The following LHFPL2 variants were observed in gnomAD, a reference collection of about 807,000 sequenced individuals.
LHFPL2 encodes LHFPL tetraspan subfamily member 2, also known as LHFPL tetraspan subfamily member 2 protein.
Under a neutral mutation model 17.5 loss-of-function variants are expected in LHFPL2, and 7 were observed. The ratio of observed to expected loss-of-function variants is 0.40; its 90% CI spans 0.23 to 0.75. LHFPL2 has a LOEUF of 0.75. Ranked by LOEUF, LHFPL2 falls within the 30% of genes least tolerant of loss-of-function variation. LHFPL2 has a pLI of 0.37. For missense variants in LHFPL2, 241 were observed against 294.8 expected (o/e 0.82, Z 1.34); for synonymous variants, 134 against 116.2 (o/e 1.15, Z -0.99).
intron 4 of LHFPL2, among the ~76,000 whole-genome samples, chr5:78,497,363 C>T (rs1437889831): frequency 6.6e-6 from 1 of 152,208 alleles, no homozygotes; most frequent in Non-Finnish European, 1.5e-5. Context: ...TTCCAGCATA[C>T]CCCGGCCTCT....
At chr5:78,638,170 T>C (rs1290235262) in intron 1 of LHFPL2, among the ~76,000 whole-genome samples, 2 of 152,018 alleles carry the variant, frequency 1.3e-5, no homozygotes, top group Non-Finnish European at 2.9e-5. Flanking sequence ...CTGGCTAACA[T>C]GGTGAAACCC....
chr5:78,559,130 C>T (rs1483967969), intron 3 of LHFPL2, among the ~76,000 whole-genome samples: 1 of 152,184 alleles, frequency 6.6e-6, no homozygotes, highest in East Asian at 1.9e-4. Flanking sequence ...GCTTTCCTGG[C>T]CTCTGGTCAG....
At chr5:78,555,876 A>G (rs974156928) in intron 3 of LHFPL2, among the ~76,000 whole-genome samples, 1 of 152,226 alleles carries the variant, frequency 6.6e-6, no homozygotes, top group African/African-American at 2.4e-5. Context: ...CTGAGAAGAA[A>G]CATCAGGAGA....
At chr5:78,505,138 CTGCT>C (rs1754893847) in intron 4 of LHFPL2, among the ~76,000 whole-genome samples, 1 of 152,216 alleles carries the variant, frequency 6.6e-6, no homozygotes, top group East Asian at 1.9e-4. Context: ...CAAAAACAAA[CTGCT>C]TGATGTTGTC....
At chr5:78,507,626 C>T (rs550617144) in intron 4 of LHFPL2, among the ~76,000 whole-genome samples, 88 of 152,266 alleles carry the variant, frequency 5.8e-4, no homozygotes, top group African/African-American at 2.0e-3. Flanking sequence ...CAGTAAATGG[C>T]CACTGGTTTG....
In LHFPL2 at chr5:78,486,950, G is replaced by C. The variant is rs1268226549; in HGVS notation, c.*1947C>G. 2.0e-5 allele frequency: 3 copies of C among 152,164 alleles called. No homozygotes were observed. Among genetic ancestry groups the C allele is most frequent in the Admixed American group, 1.3e-4 (2 of 15,270 alleles). 9.4% of individuals were successfully genotyped at this position (152,164 alleles called of 1,614,324 possible). A position where few individuals can be genotyped will look rare whatever the true frequency, so the allele number is the denominator to read the frequency against. ...TGTTTTTCATCAAGGTTTGAGACTT[G>C]GTTAGAACATTATAAATGTACACAC... is the stretch of plus-strand genomic sequence containing the variant. On this transcript the variant is annotated 3_prime_UTR_variant, in exon 5 of 5. Coordinates refer to ENST00000380345, the MANE Select transcript of LHFPL2 (RefSeq NM_005779.3).
At chr5:78,525,866 A>G (rs974465789) in intron 3 of LHFPL2, among the ~76,000 whole-genome samples, 1 of 152,190 alleles carries the variant, frequency 6.6e-6, no homozygotes, top group African/African-American at 2.4e-5. Context: ...GTTGTGATGG[A>G]GCTAAGAAGA....
At chr5:78,559,881 A>G (rs1047598276) in intron 3 of LHFPL2, among the ~76,000 whole-genome samples, 2 of 152,252 alleles carry the variant, frequency 1.3e-5, no homozygotes, top group African/African-American at 4.8e-5. Context: ...TTCTTCAAAA[A>G]ATTTGATAAT....
At chr5:78,514,548 A>G (rs760169760) in intron 3 of LHFPL2, among the ~76,000 whole-genome samples, 1 of 152,158 alleles carries the variant, frequency 6.6e-6, no homozygotes, top group Non-Finnish European at 1.5e-5. Context: ...TGTCACTTAG[A>G]TCCCGGATCT....
intron 2 of LHFPL2, among the ~76,000 whole-genome samples, chr5:78,622,550 G>A (rs1339242278): frequency 6.6e-6 from 1 of 152,142 alleles, no homozygotes; most frequent in South Asian, 2.1e-4. Flanking sequence ...TCTTAAGGCT[G>A]GGGCTTCCCA....
Position 78,592,622 on chromosome 5 carries a change from AC to A in LHFPL2, c.-244-27752del, listed in dbSNP as rs1468956664. ...CTTCAACTTAGTGAAAAATTCAGAT[AC>A]ACACACACACACACACATTACTCTT... On this transcript the variant is annotated intron_variant, in intron 2 of 4. Transcript: ENST00000380345. Among the ~76,000 whole-genome samples the A allele has an allele frequency of 6.3e-3, 354 of 56,026 alleles. 6 individuals are homozygous for A. Among genetic ancestry groups the A allele is most frequent in the African/African-American group, 0.016 (337 of 20,572 alleles). 36.8% of individuals were successfully genotyped at this position (56,026 alleles called of 152,430 possible). A position where few individuals can be genotyped will look rare whatever the true frequency, so the allele number is the denominator to read the frequency against.
chr5:78,505,987 G>T (rs1048702652), intron 4 of LHFPL2, among the ~76,000 whole-genome samples: 3 of 152,258 alleles, frequency 2.0e-5, no homozygotes, highest in African/African-American at 7.2e-5. Context: ...TCATTACTGA[G>T]TGAGTGCTGA....
chr5:78,626,249 GGTTT>G (rs1399866797), intron 2 of LHFPL2: 9 of 152,258 alleles, frequency 5.9e-5, no homozygotes, highest in African/African-American at 2.2e-4. Context: ...ATGCTGCCTG[GGTTT>G]GTTTATTTCT....
Position 78,488,834 on chromosome 5 carries a change from G to A in LHFPL2, c.*63C>T. 6.4e-7 allele frequency: 1 copy of A among 1,570,176 alleles called. No individual in the cohort carries two copies. The highest frequency in any genetic ancestry group is 1.1e-5 in the South Asian group (1 of 88,146). On this transcript the variant is annotated 3_prime_UTR_variant, in exon 5 of 5. Transcript: ENST00000380345. ...GGTTAGTTCTCCACTTGACTCAAAT[G>A]ATGAAACTGTGGACTGTTTCACAAG...
chr5:78,623,992 A>G (rs1010320075), intron 2 of LHFPL2, among the ~76,000 whole-genome samples: 1 of 152,232 alleles, frequency 6.6e-6, no homozygotes, highest in Non-Finnish European at 1.5e-5. Context: ...TTTCCCCAGA[A>G]TAACAAAGTA....
chr5:78,518,010 G>A (rs1412167657), intron 3 of LHFPL2, among the ~76,000 whole-genome samples: 1 of 152,322 alleles, frequency 6.6e-6, no homozygotes. Flanking sequence ...CTCTAAGGTA[G>A]ACATTAAAAT....
At chr5:78,547,216 C>T (rs1756304044) in intron 3 of LHFPL2, among the ~76,000 whole-genome samples, 1 of 152,196 alleles carries the variant, frequency 6.6e-6, no homozygotes, top group South Asian at 2.1e-4. Context: ...CCGGGGCACT[C>T]CTGCTCCTCA....
chr5:78,594,319 G>T (rs1743753405), intron 2 of LHFPL2, among the ~76,000 whole-genome samples: 2 of 152,164 alleles, frequency 1.3e-5, no homozygotes, highest in African/African-American at 2.4e-5. Context: ...GACTCAACTT[G>T]GGCAGGATGT....
chr5:78,504,079 A>C (rs1435105236), intron 4 of LHFPL2, among the ~76,000 whole-genome samples: 1 of 152,148 alleles, frequency 6.6e-6, no homozygotes, highest in Admixed American at 6.5e-5. Flanking sequence ...GTGTCCTATC[A>C]GTGGTATTTT....
Sources: allele counts gnomAD v4.1 joint callset (sites outside exome capture counted in the v4.1 genomes callset), GRCh38; gene constraint gnomAD v4.1.1; transcripts MANE v1.5; gene names NCBI Gene and HGNC (gene_info 2026-07-23, HGNC 2026-07-21).